Variants in SLC9D1 observed in about 807,000 individuals in gnomAD.
SLC9D1 encodes the protein solute carrier family 9 member D1, also known as putative LAG1-interacting protein.
chr13:113,539,517 CT>C, the SLC9D1 span: 2 of 1,610,292 alleles, frequency 1.2e-6, no homozygotes, highest in Non-Finnish European at 1.7e-6. This position sits in a 1 kb window ranked among gnomAD's most constrained non-coding sequence, Gnocchi z 4.8. Flanking sequence ...GGTAATCTTC[CT>C]TCTTTACATT....
At chr13:113,502,678 G>A in the SLC9D1 span, among the ~76,000 whole-genome samples, 37 of 152,202 alleles carry the variant, frequency 2.4e-4, no homozygotes, top group Non-Finnish European at 1.3e-4. Context: ...CAACACTCAC[G>A]GTGCGAGCAG....
the SLC9D1 span, chr13:113,529,357 A>T: frequency 6.6e-6 from 1 of 150,870 alleles, no homozygotes; most frequent in Middle Eastern, 3.4e-3. Flanking sequence ...TGAGGCAGGA[A>T]GATGGCTTGA....
chr13:113,549,890 C>G, the SLC9D1 span: 1 of 517,600 alleles, frequency 1.9e-6, no homozygotes, highest in African/African-American at 2.0e-5. Context: ...AGTAAAGAAG[C>G]AAAATTAAAA....
the SLC9D1 span, among the ~76,000 whole-genome samples, chr13:113,522,534 G>C: frequency 6.6e-6 from 1 of 152,136 alleles, no homozygotes; most frequent in Non-Finnish European, 1.5e-5. Context: ...TAGAGACGGG[G>C]TTCCACTGTG....
At chr13:113,540,974 C>G in the SLC9D1 span, among the ~76,000 whole-genome samples, 1 of 152,248 alleles carries the variant, frequency 6.6e-6, no homozygotes, top group South Asian at 2.1e-4. Context: ...GTGGGGAGTC[C>G]TTTCCCTGGT....
chr13:113,533,052 C>T, the SLC9D1 span, among the ~76,000 whole-genome samples: 1 of 35,266 alleles, frequency 2.8e-5, no homozygotes, highest in Admixed American at 2.4e-4. Flanking sequence ...CGCTGCCTCC[C>T]TCCTGAAGTC....
At chr13:113,498,345 G>A in the SLC9D1 span, 12 of 1,535,642 alleles carry the variant, frequency 7.8e-6, no homozygotes, top group South Asian at 1.6e-4. Flanking sequence ...TGAATAGGAA[G>A]AAACAGAATA....
At chr13:113,546,630 G>A in the SLC9D1 span, among the ~76,000 whole-genome samples, 2 of 152,156 alleles carry the variant, frequency 1.3e-5, no homozygotes, top group Admixed American at 6.5e-5. The surrounding 1 kb of genome is among the most constrained non-coding windows in gnomAD (Gnocchi z 7.1). Context: ...GGGTCCTTCC[G>A]ATCAAGAGGA....
chr13:113,519,054 T>A, the SLC9D1 span, among the ~76,000 whole-genome samples: 1 of 151,824 alleles, frequency 6.6e-6, no homozygotes. Context: ...CTTTTTTTTT[T>A]TTTTTTGAGA....
At chr13:113,529,230 T>C in the SLC9D1 span, 15 of 152,250 alleles carry the variant, frequency 9.9e-5, no homozygotes, top group African/African-American at 1.4e-4. Context: ...GTCATGACAC[T>C]TCATGTTTAC....
the SLC9D1 span, among the ~76,000 whole-genome samples, chr13:113,516,126 C>A: frequency 1.3e-5 from 2 of 152,156 alleles, no homozygotes; most frequent in African/African-American, 4.8e-5. Context: ...AAGAGGATGA[C>A]TGGGGTTTCC....
the SLC9D1 span, among the ~76,000 whole-genome samples, chr13:113,546,607 A>G: frequency 6.6e-6 from 1 of 152,130 alleles, no homozygotes; most frequent in Admixed American, 6.5e-5. This position sits in a 1 kb window ranked among gnomAD's most constrained non-coding sequence, Gnocchi z 7.1. Flanking sequence ...CCGTGCACCT[A>G]ACCCTGGGGT....
At chr13:113,496,049 AGAGAGAGG>A in the SLC9D1 span, 1 of 1,513,352 alleles carries the variant, frequency 6.6e-7, no homozygotes. Flanking sequence ...AGGGAGAGAG[AGAGAGAGG>A]GAGAGGGAGA....
the SLC9D1 span, chr13:113,496,031 T>C: frequency 3.1e-6 from 5 of 1,593,238 alleles, no homozygotes; most frequent in South Asian, 4.5e-5. Context: ...TAAAGGTCAG[T>C]CCTAGAGAGG....
At chr13:113,503,521 G>A in the SLC9D1 span, 1 of 1,613,660 alleles carries the variant, frequency 6.2e-7, no homozygotes, top group Non-Finnish European at 8.5e-7. Context: ...GAGACATTAG[G>A]AGAATTTGGG....
chr13:113,491,216 C>G, the SLC9D1 span: 1 of 152,338 alleles, frequency 6.6e-6, no homozygotes, highest in African/African-American at 2.4e-5. Context: ...GAGCCCGGCC[C>G]AGGCCGCGGA....
chr13:113,536,285 A>G, the SLC9D1 span, among the ~76,000 whole-genome samples: 9 of 152,008 alleles, frequency 5.9e-5, no homozygotes, highest in Non-Finnish European at 1.3e-4. Flanking sequence ...GGCTGAGGCA[A>G]GAGAATCACT....
the SLC9D1 span, among the ~76,000 whole-genome samples, chr13:113,502,942 G>A: frequency 8.9e-4 from 135 of 152,330 alleles, no homozygotes; most frequent in African/African-American, 3.0e-3. Flanking sequence ...GCGGCTGGCC[G>A]GCAGAGGAGC....
the SLC9D1 span, among the ~76,000 whole-genome samples, chr13:113,532,197 A>G: frequency 6.6e-6 from 1 of 152,194 alleles, no homozygotes; most frequent in African/African-American, 2.4e-5. Flanking sequence ...TGGAGAGGCA[A>G]TGAATGAATG....
Sources: gnomAD v4.1 joint callset for allele counts (sites outside exome capture counted in the v4.1 genomes callset) on GRCh38, gnomAD v4.1.1 for gene constraint, Gnocchi (gnomAD v3.1) non-coding constraint, MANE v1.5 for transcripts, NCBI Gene and HGNC (gene_info 2026-07-23, HGNC 2026-07-21) for gene names.